ADAM18: variants seen among roughly 807,000 people sequenced by gnomAD.
ADAM18 encodes ADAM metallopeptidase domain 18, also known as disintegrin and metalloproteinase domain-containing protein 18.
In ADAM18, 117 loss-of-function variants were observed where a neutral mutation model predicts 94.4. The observed-to-expected ratio is 1.24, with a 90% CI of 1.07 to 1.45. The LOEUF (loss-of-function observed/expected upper bound fraction) is 1.45, where lower values mean the gene tolerates loss of function less well. ADAM18 is among the 40% of genes most tolerant of loss of function. ADAM18 has a pLI of 0.00. For synonymous variants in ADAM18, 327 were observed against 291.6 expected (o/e 1.12, Z -1.24); for missense variants, 936 against 880.0 (o/e 1.06, Z -0.81).
At chr8:39,610,385 A>C (rs543254937) in intron 5 of ADAM18, 144 bp from the exon 6 acceptor site, 56 of 1,137,878 alleles carry the variant, frequency 4.9e-5, no homozygotes, top group African/African-American at 1.5e-4. Flanking sequence ...CTGCCCCCCC[A>C]AAAAATAATG....
Position 39,584,690 on chromosome 8 carries a change from G to A in ADAM18, c.55+13G>A, listed in dbSNP as rs1410421139. ...CAAGCCCACGAAGGTAAGTCCATGG[G>A]AGCCTCCCCTTTCTTCTTCGACTTT... On this transcript the variant is annotated intron_variant, in intron 1 of 19. Coordinates refer to ENST00000265707, the MANE Select transcript of ADAM18 (RefSeq NM_014237.3). The A allele has an allele frequency of 4.3e-6, 7 of 1,612,270 alleles. 1 individual carries two copies. In the Admixed American group the frequency reaches 5.0e-5, roughly 12 times the overall value.
intron 10 of ADAM18, 78 bp from the exon 11 acceptor site, chr8:39,645,260 G>T: frequency 1.6e-6 from 2 of 1,243,018 alleles, no homozygotes; most frequent in Non-Finnish European, 2.2e-6. Flanking sequence ...TAGAAAATAT[G>T]ATAGGAGTAA....
intron 16 of ADAM18, among the ~76,000 whole-genome samples, chr8:39,689,112 T>C (rs2129580789): frequency 6.6e-6 from 1 of 152,324 alleles, no homozygotes. Flanking sequence ...ATTATACTTT[T>C]GTCATATACA....
At position 39,591,059 on chromosome 8, in the gene ADAM18, A is replaced by G. The variant is rs971555551; in HGVS notation, c.132+5707A>G. Among the ~76,000 whole-genome samples, 4 of 152,334 alleles carry G rather than the reference A, an allele frequency of 2.6e-5. No homozygotes were observed. In the East Asian group the frequency reaches 7.7e-4, roughly 29 times the overall value. ...TTAAGTGTGCAATAGTGCTATGGCT[A>G]AAAATAACATTGTATAAACCTTAAT... On this transcript the variant is annotated intron_variant, in intron 2 of 19. Transcript: ENST00000265707.
At chr8:39,668,633 C>A (rs1237900734) in intron 14 of ADAM18, among the ~76,000 whole-genome samples, 1 of 152,060 alleles carries the variant, frequency 6.6e-6, no homozygotes, top group African/African-American at 2.4e-5. Context: ...TCTTAAGCCA[C>A]CTGATCAAAA....
intron 7 of ADAM18, among the ~76,000 whole-genome samples, chr8:39,631,760 A>G (rs987799809): frequency 6.6e-6 from 1 of 152,046 alleles, no homozygotes; most frequent in African/African-American, 2.4e-5. Flanking sequence ...CTTTGGAAAG[A>G]ATTGTGATCT....
At position 39,592,381 on chromosome 8, in the gene ADAM18, C is replaced by T. The variant is rs527996212; in HGVS notation, c.132+7029C>T. 2.4e-4 allele frequency among the ~76,000 whole-genome samples: 37 copies of T among 152,238 alleles called. No individual in the cohort carries two copies. The South Asian group carries it at 7.0e-3, about 29-fold the overall frequency. On this transcript the variant is annotated intron_variant, in intron 2 of 19. Coordinates refer to ENST00000265707, the MANE Select transcript of ADAM18 (RefSeq NM_014237.3). ...GAATATAGATCATTTTAAAAAGACA[C>T]CTGCACTTGTATGTTTATTGCAGCA...
intron 16 of ADAM18, among the ~76,000 whole-genome samples, chr8:39,691,785 A>G (rs1425258658): frequency 3.3e-5 from 5 of 151,970 alleles, no homozygotes; most frequent in African/African-American, 9.7e-5. Context: ...ATAGTCTTGG[A>G]TATCTTTTTA....
At chr8:39,619,106 C>A (rs1819531377) in intron 6 of ADAM18, among the ~76,000 whole-genome samples, 1 of 152,008 alleles carries the variant, frequency 6.6e-6, no homozygotes, top group Non-Finnish European at 1.5e-5. Flanking sequence ...GTGGTCAATA[C>A]AAGAAAAGGA....
At chr8:39,609,961 A>G (rs2129578466) in intron 5 of ADAM18, among the ~76,000 whole-genome samples, 1 of 152,262 alleles carries the variant, frequency 6.6e-6, no homozygotes, top group Admixed American at 6.5e-5. Context: ...CCTCAGGAAT[A>G]AAGGATAGGG....
intron 18 of ADAM18, among the ~76,000 whole-genome samples, chr8:39,714,902 A>G (rs992825841): frequency 6.6e-6 from 1 of 152,128 alleles, no homozygotes; most frequent in East Asian, 1.9e-4. Context: ...TGCATTTTCC[A>G]AGAACTTGCA....
intron 16 of ADAM18, 120 bp from the exon 17 acceptor site, chr8:39,692,480 T>A (rs940807475): frequency 2.2e-6 from 1 of 457,142 alleles, no homozygotes. Flanking sequence ...TTAGTCATAT[T>A]AATATTACTA....
intron 2 of ADAM18, among the ~76,000 whole-genome samples, chr8:39,598,638 C>T (rs1191369282): frequency 6.6e-6 from 1 of 151,650 alleles, no homozygotes; most frequent in Non-Finnish European, 1.5e-5. Flanking sequence ...TGTGGTGGTG[C>T]ATGCCTGTGA....
chr8:39,703,072 G>A (rs964422982), intron 17 of ADAM18, among the ~76,000 whole-genome samples: 2 of 152,270 alleles, frequency 1.3e-5, no homozygotes, highest in Middle Eastern at 3.4e-3. Context: ...ATAGCTTTGG[G>A]CAGTGAGGCT....
At chr8:39,689,789 A>G (rs917202264) in intron 16 of ADAM18, among the ~76,000 whole-genome samples, 1 of 152,156 alleles carries the variant, frequency 6.6e-6, no homozygotes, top group East Asian at 1.9e-4. Context: ...GCCCTGGGCA[A>G]TGTGGCCATT....
intron 18 of ADAM18, among the ~76,000 whole-genome samples, chr8:39,713,820 G>C (rs760135181): frequency 2.0e-5 from 3 of 152,128 alleles, no homozygotes; most frequent in Non-Finnish European, 2.9e-5. Context: ...TGGAGAAATA[G>C]AACGCTTTTA....
intron 6 of ADAM18, among the ~76,000 whole-genome samples, chr8:39,615,974 A>T (rs541196925): frequency 9.8e-5 from 15 of 152,368 alleles, no homozygotes; most frequent in Admixed American, 2.0e-4. Context: ...CACAAAAAAA[A>T]TATCTAGGAA....
At position 39,637,517 on chromosome 8, in the gene ADAM18, A is replaced by G. The variant is rs751369846; in HGVS notation, c.661-20A>G. ...TAATAACTTGTTTCTTTAAAAATGT[A>G]CAATACATCTTATTTTTAGATGTTT... is the stretch of plus-strand genomic sequence containing the variant. On this transcript the variant is annotated intron_variant, in intron 8 of 19. Transcript: ENST00000265707. 8 of 1,576,766 alleles carry G rather than the reference A, an allele frequency of 5.1e-6. No individual in the cohort carries two copies. Among genetic ancestry groups the G allele is most frequent in the Admixed American group, 1.8e-5 (1 of 54,458 alleles).
intron 6 of ADAM18, among the ~76,000 whole-genome samples, chr8:39,629,167 C>T (rs1157837762): frequency 2.6e-5 from 4 of 151,568 alleles, no homozygotes; most frequent in Non-Finnish European, 1.5e-5. Flanking sequence ...GAGACTAGAC[C>T]CTTACATTAC....
Sources: allele counts gnomAD v4.1 joint callset (sites outside exome capture counted in the v4.1 genomes callset), GRCh38; gene constraint gnomAD v4.1.1; transcripts MANE v1.5; gene names NCBI Gene and HGNC (gene_info 2026-07-23, HGNC 2026-07-21).